Variants in MACROD2 observed in about 807,000 individuals in gnomAD.
MACROD2 encodes the protein ADP-ribose glycohydrolase MACROD2.
Under a neutral mutation model 70.4 loss-of-function variants are expected in MACROD2, and 36 were observed. The observed-to-expected ratio is 0.51, with a 90% CI of 0.39 to 0.68. The LOEUF (loss-of-function observed/expected upper bound fraction) is 0.68, where lower values mean the gene tolerates loss of function less well. MACROD2 is among the 30% of genes least tolerant of loss of function. The probability of loss-of-function intolerance (pLI) is 0.00; values close to 1 mark genes in which losing one functional copy is unlikely to be tolerated. For missense variants in MACROD2, 496 were observed against 538.4 expected (o/e 0.92, Z 0.78); for synonymous variants, 172 against 178.8 (o/e 0.96, Z 0.30).
intron 3 of MACROD2, among the ~76,000 whole-genome samples, chr20:14,185,309 A>C (rs1273285086): frequency 2.0e-5 from 3 of 152,154 alleles, no homozygotes; most frequent in Non-Finnish European, 4.4e-5. Flanking sequence ...ACGCACTCTC[A>C]GATATTAAAA....
At chr20:15,059,840 G>A (rs2075517651) in intron 5 of MACROD2, among the ~76,000 whole-genome samples, 1 of 152,188 alleles carries the variant, frequency 6.6e-6, no homozygotes, top group Non-Finnish European at 1.5e-5. Context: ...TAGCCAAGGA[G>A]GTAAATGGAT....
chr20:14,354,196 A>G (rs764890494), intron 3 of MACROD2, among the ~76,000 whole-genome samples: 1 of 151,968 alleles, frequency 6.6e-6, no homozygotes, highest in Non-Finnish European at 1.5e-5. Context: ...TACCTTAGCT[A>G]TGTTCTTTGC....
intron 8 of MACROD2, among the ~76,000 whole-genome samples, chr20:15,555,303 C>T (rs926645917): frequency 6.6e-6 from 1 of 152,146 alleles, no homozygotes; most frequent in Admixed American, 6.5e-5. Context: ...TGTGGAGAGT[C>T]ATAATGGGAT....
intron 5 of MACROD2, among the ~76,000 whole-genome samples, chr20:14,868,457 T>A (rs1273918726): frequency 2.6e-5 from 4 of 152,018 alleles, no homozygotes; most frequent in Non-Finnish European, 5.9e-5. Flanking sequence ...TGAGCCACCA[T>A]GCCTGGCCTC....
chr20:14,079,363 A>G (rs576637991), intron 2 of MACROD2, among the ~76,000 whole-genome samples: 55 of 152,374 alleles, frequency 3.6e-4, no homozygotes, highest in African/African-American at 1.3e-3. Context: ...CTAACGCAGG[A>G]TAAAGCAGAA....
intron 8 of MACROD2, among the ~76,000 whole-genome samples, chr20:15,604,010 G>A (rs987007329): frequency 2.0e-5 from 3 of 152,108 alleles, no homozygotes; most frequent in African/African-American, 4.8e-5. Context: ...CCTAATTCCA[G>A]TAGAGTCCAG....
intron 8 of MACROD2, among the ~76,000 whole-genome samples, chr20:15,526,324 G>A (rs767485603): frequency 6.6e-6 from 1 of 152,158 alleles, no homozygotes; most frequent in Non-Finnish European, 1.5e-5. Flanking sequence ...ATGATGGAAT[G>A]ATATATAATT....
At chr20:15,416,380 A>G (rs1414598211) in intron 6 of MACROD2, among the ~76,000 whole-genome samples, 1 of 152,200 alleles carries the variant, frequency 6.6e-6, no homozygotes, top group African/African-American at 2.4e-5. Context: ...CTTGTTAAAT[A>G]TAAAGTGTGC....
chr20:14,900,391 T>C (rs1448377594), intron 5 of MACROD2, among the ~76,000 whole-genome samples: 5 of 152,146 alleles, frequency 3.3e-5, no homozygotes, highest in Non-Finnish European at 1.5e-5. Context: ...GTTGCAATTC[T>C]TCAAAGTATT....
chr20:15,996,457 G>C (rs1037946834), intron 15 of MACROD2, among the ~76,000 whole-genome samples: 9 of 152,128 alleles, frequency 5.9e-5, no homozygotes, highest in African/African-American at 2.2e-4. Context: ...TAATTCACCA[G>C]TGAATTAACC....
At chr20:15,831,553 T>G (rs1204976451) in intron 8 of MACROD2, among the ~76,000 whole-genome samples, 2 of 152,232 alleles carry the variant, frequency 1.3e-5, no homozygotes, top group Non-Finnish European at 2.9e-5. Flanking sequence ...TCATTCATTT[T>G]GTGCCTATTC....
intron 5 of MACROD2, among the ~76,000 whole-genome samples, chr20:15,217,349 C>A (rs1439889262): frequency 1.3e-5 from 2 of 152,120 alleles, no homozygotes; most frequent in Non-Finnish European, 2.9e-5. Flanking sequence ...ACATATAATA[C>A]ATAATTTATT....
intron 5 of MACROD2, among the ~76,000 whole-genome samples, chr20:15,123,118 T>C (rs1288005183): frequency 6.6e-6 from 1 of 152,176 alleles, no homozygotes; most frequent in Non-Finnish European, 1.5e-5. Context: ...TAGCCACATA[T>C]GACCCAGTTT....
intron 5 of MACROD2, among the ~76,000 whole-genome samples, chr20:15,105,252 G>T (rs2075902224): frequency 6.6e-6 from 1 of 152,020 alleles, no homozygotes; most frequent in Non-Finnish European, 1.5e-5. Flanking sequence ...GTAAATGGTT[G>T]TCCCTTTATG....
intron 5 of MACROD2, among the ~76,000 whole-genome samples, chr20:14,808,678 T>G (rs188125455): frequency 9.7e-4 from 148 of 151,850 alleles, no homozygotes; most frequent in African/African-American, 3.3e-3. Flanking sequence ...TTGTGCTATA[T>G]TCAGGAGACC....
chr20:14,685,839 A>C (rs1006709424), intron 5 of MACROD2, among the ~76,000 whole-genome samples: 4 of 152,188 alleles, frequency 2.6e-5, no homozygotes. Flanking sequence ...TTGTTTTAGC[A>C]GTGGAGAAAA....
intron 3 of MACROD2, chr20:14,327,706 C>T: frequency 1.8e-6 from 1 of 561,718 alleles, no homozygotes; most frequent in Non-Finnish European, 3.0e-6. Flanking sequence ...GGGTTTATTG[C>T]TAGCTAACAA....
At chr20:14,125,005 G>A (rs750559458) in intron 3 of MACROD2, among the ~76,000 whole-genome samples, 1 of 152,232 alleles carries the variant, frequency 6.6e-6, no homozygotes, top group African/African-American at 2.4e-5. Context: ...ATGCTACAAT[G>A]TAGATGAATC....
chr20:14,887,399 GTT>G (rs11476428), intron 5 of MACROD2, among the ~76,000 whole-genome samples: 19,573 of 144,532 alleles, frequency 0.14, 1,587 homozygotes, highest in Non-Finnish European at 0.19. Flanking sequence ...AGCTTTTTTT[GTT>G]TTTTTTTTTT....
Sources: gnomAD v4.1 joint callset for allele counts (sites outside exome capture counted in the v4.1 genomes callset) on GRCh38, gnomAD v4.1.1 for gene constraint, MANE v1.5 for transcripts, NCBI Gene and HGNC (gene_info 2026-07-23, HGNC 2026-07-21) for gene names.